CCDC77: variants seen among roughly 807,000 people sequenced by gnomAD.
CCDC77 encodes the protein coiled-coil domain-containing protein 77.
CCDC77 carries 56 observed loss-of-function variants against 66.8 expected under a neutral mutation model. That is an observed-to-expected ratio of 0.84 (90% confidence interval 0.68 to 1.05). CCDC77 has a LOEUF of 1.05. Ranked by LOEUF, CCDC77 falls within the 50% of genes least tolerant of loss-of-function variation. CCDC77 has a pLI of 0.00. For missense variants in CCDC77, 570 were observed against 576.8 expected (o/e 0.99, Z 0.12); for synonymous variants, 196 against 195.2 (o/e 1.00, Z -0.03).
chr12:423,470 G>GTTTTTTTTTTTTT lies in CCDC77; in HGVS notation c.413+4840_413+4841insTTTTTTTTTTTTT, dbSNP rs1307027692. On this transcript the variant is annotated intron_variant, in intron 5 of 12. Coordinates refer to ENST00000239830, the MANE Select transcript of CCDC77 (RefSeq NM_032358.4). ...TTGTTATTTTCTGGGTGTTTTTTGT[G>GTTTTTTTTTTTTT]TTTTTTGTGTTTTTTTTTGTTTTGT... 4.0e-4 allele frequency among the ~76,000 whole-genome samples: 18 copies of GTTTTTTTTTTTTT among 44,872 alleles called. 2 individuals are homozygous for GTTTTTTTTTTTTT. The highest frequency in any genetic ancestry group is 9.8e-4 in the South Asian group (1 of 1,022). 29.4% of individuals were successfully genotyped at this position (44,872 alleles called of 152,430 possible).
In CCDC77 at chr12:438,537, C is replaced by A; in HGVS notation, c.1024C>A (p.Gln342Lys). 6.2e-7 allele frequency: 1 copy of A among 1,610,874 alleles called. No homozygotes were observed. Among genetic ancestry groups the A allele is most frequent in the South Asian group, 1.1e-5 (1 of 90,858 alleles). ...CGTTATGCATGAGAGTCACCATGCT[C>A]AAAGTGAATATATTAAGGTAATGTC... ...LPVMHESHHA[Q>K]SEYIKSLKDK... The change falls in exon 10 of 13, where the codon CAA (glutamine) becomes AAA (lysine). Residue 342 changes from glutamine to lysine, a missense_variant. Physicochemically the swap from Gln to Lys is moderately conservative, Grantham distance 53. Transcript: ENST00000239830.
At chr12:436,339 G>A (rs1440922434) in intron 9 of CCDC77, among the ~76,000 whole-genome samples, 21 of 151,684 alleles carry the variant, frequency 1.4e-4, no homozygotes, top group Admixed American at 1.4e-3. Flanking sequence ...GTGTTAGCCA[G>A]GATGGTCTCG....
chr12:435,574 C>T (rs1945735555), intron 9 of CCDC77, among the ~76,000 whole-genome samples: 1 of 152,236 alleles, frequency 6.6e-6, no homozygotes, highest in African/African-American at 2.4e-5. Context: ...TTTGATACTA[C>T]AGAACTTGTG....
chr12:394,395 C>G (rs970005258), intron 1 of CCDC77, among the ~76,000 whole-genome samples: 4 of 152,152 alleles, frequency 2.6e-5, no homozygotes, highest in African/African-American at 9.7e-5. Context: ...ACTGGCTTTC[C>G]CCAGTGAAAT....
intron 5 of CCDC77, among the ~76,000 whole-genome samples, 174 bp from the exon 6 acceptor site, chr12:428,595 C>G (rs566714992): frequency 6.8e-6 from 1 of 146,900 alleles, no homozygotes; most frequent in Admixed American, 6.8e-5. Flanking sequence ...TGATGTTTTA[C>G]GAAGTAGAGC....
intron 9 of CCDC77, among the ~76,000 whole-genome samples, chr12:433,836 A>G (rs1945697790): frequency 6.6e-6 from 1 of 152,134 alleles, no homozygotes; most frequent in South Asian, 2.1e-4. Flanking sequence ...ACATGTTATC[A>G]TTTTTGGCTT....
intron 8 of CCDC77, 50 bp from the exon 9 acceptor site, chr12:433,124 A>C: frequency 6.4e-7 from 1 of 1,560,092 alleles, no homozygotes; most frequent in South Asian, 1.2e-5. Context: ...TAGAGGTATG[A>C]AGTAAGTGGA....
intron 3 of CCDC77, 168 bp downstream of exon 3, chr12:409,589 T>A: frequency 1.6e-6 from 1 of 635,130 alleles, no homozygotes; most frequent in Non-Finnish European, 2.8e-6. Flanking sequence ...CAATCATTGC[T>A]CATTGCAGCC....
chr12:426,922 C>A (rs892055497), intron 5 of CCDC77, among the ~76,000 whole-genome samples: 1 of 152,112 alleles, frequency 6.6e-6, no homozygotes, highest in Non-Finnish European at 1.5e-5. Flanking sequence ...CAGGGTCTTA[C>A]CTTCTAGGAG....
intron 9 of CCDC77, among the ~76,000 whole-genome samples, chr12:433,651 CA>C (rs74643579): frequency 0.078 from 9,435 of 121,046 alleles, 753 homozygotes; most frequent in African/African-American, 0.22. Context: ...GACCCTGTCT[CA>C]AAAAAAAAAA....
chr12:429,659 A>G (rs1431670595), intron 6 of CCDC77, among the ~76,000 whole-genome samples: 1 of 152,024 alleles, frequency 6.6e-6, no homozygotes, highest in East Asian at 1.9e-4. Context: ...GGGTTTCACC[A>G]TGTTGCCCAG....
At chr12:439,936 G>C (rs1344068449) in intron 10 of CCDC77, among the ~76,000 whole-genome samples, 1 of 152,154 alleles carries the variant, frequency 6.6e-6, no homozygotes, top group African/African-American at 2.4e-5. Flanking sequence ...GCTGAGACCT[G>C]AAAAATGGGA....
intron 4 of CCDC77, among the ~76,000 whole-genome samples, chr12:416,221 G>A (rs1045159879): frequency 4.6e-5 from 7 of 150,762 alleles, no homozygotes; most frequent in Admixed American, 3.3e-4. Flanking sequence ...GATTACGGGC[G>A]TGAGTCACTG....
At chr12:414,817 T>C (rs1404320249) in intron 4 of CCDC77, among the ~76,000 whole-genome samples, 2 of 152,176 alleles carry the variant, frequency 1.3e-5, no homozygotes. Context: ...CCACCTCACT[T>C]TGGCCACGAT....
At chr12:427,111 G>GATA (rs1565573761) in intron 5 of CCDC77, among the ~76,000 whole-genome samples, 2 of 152,104 alleles carry the variant, frequency 1.3e-5, no homozygotes, top group Non-Finnish European at 2.9e-5. Flanking sequence ...TGGGCATTGT[G>GATA]GCATGCGCCT....
chr12:398,089 T>A (rs1944851883), upstream of CCDC77, among the ~76,000 whole-genome samples: 1 of 152,220 alleles, frequency 6.6e-6, no homozygotes, highest in African/African-American at 2.4e-5. Flanking sequence ...TGTGGCAATT[T>A]CTTAAAATAA....
chr12:423,480 TTTTTTTTTGTTTTG>T (rs1945464198), intron 5 of CCDC77, among the ~76,000 whole-genome samples: 1 of 14,506 alleles, frequency 6.9e-5, no homozygotes, highest in Non-Finnish European at 1.3e-4. Flanking sequence ...GTTTTTTGTG[TTTTTTTTTGTTTTG>T]TTTTTTTTTT....
intron 1 of CCDC77, among the ~76,000 whole-genome samples, chr12:393,786 C>T (rs896791705): frequency 6.6e-6 from 1 of 152,200 alleles, no homozygotes; most frequent in African/African-American, 2.4e-5. Context: ...CCTGCCTCGG[C>T]CTCCCAATGT....
At chr12:416,367 GTGTGTGTGTGTA>G (rs1165794856) in intron 4 of CCDC77, among the ~76,000 whole-genome samples, 33 of 30,228 alleles carry the variant, frequency 1.1e-3, no homozygotes, top group African/African-American at 2.2e-3. Flanking sequence ...GTGTGTGTGT[GTGTGTGTGTGTA>G]TATATATATA....
Sources: gnomAD v4.1 joint callset for allele counts (sites outside exome capture counted in the v4.1 genomes callset) on GRCh38, gnomAD v4.1.1 for gene constraint, MANE v1.5 for transcripts, NCBI Gene and HGNC (gene_info 2026-07-23, HGNC 2026-07-21) for gene names.